The following LARP1B variants were observed in gnomAD, a reference collection of about 807,000 sequenced individuals.
LARP1B encodes la-related protein 1B.
Under a neutral mutation model 114.2 loss-of-function variants are expected in LARP1B, and 76 were observed. The ratio of observed to expected loss-of-function variants is 0.67; its 90% CI spans 0.55 to 0.81. The LOEUF (loss-of-function observed/expected upper bound fraction) is 0.81, where lower values mean the gene tolerates loss of function less well. LARP1B is among the 30% of genes least tolerant of loss of function. The pLI is 0.00. For missense variants in LARP1B, 1,014 were observed against 1,075.8 expected (o/e 0.94, Z 0.80); for synonymous variants, 345 against 348.0 (o/e 0.99, Z 0.10).
intron 11 of LARP1B, among the ~76,000 whole-genome samples, chr4:128,138,001 G>A (rs553652314): frequency 4.6e-5 from 7 of 152,030 alleles, no homozygotes; most frequent in Non-Finnish European, 8.8e-5. Context: ...TGTTGAATAT[G>A]CATAATCTTC....
At chr4:128,062,323 G>C (rs890216579) in intron 1 of LARP1B, 1 of 955,342 alleles carries the variant, frequency 1.0e-6, no homozygotes, top group African/African-American at 1.8e-5. Flanking sequence ...CCCGGGTAAC[G>C]GCAGGCCTCC....
intron 17 of LARP1B, among the ~76,000 whole-genome samples, chr4:128,204,857 T>G (rs1419203199): frequency 5.1e-5 from 5 of 97,908 alleles, no homozygotes; most frequent in African/African-American, 1.4e-4. Context: ...CCCACAAAAA[T>G]TTTAAAAATT....
chr4:128,069,722 T>C, intron 1 of LARP1B: 1 of 320,486 alleles, frequency 3.1e-6, no homozygotes. Flanking sequence ...GTTTTTTGCC[T>C]ATTAAACATC....
intron 19 of LARP1B, among the ~76,000 whole-genome samples, chr4:128,208,644 T>C (rs549411737): frequency 6.7e-4 from 102 of 152,314 alleles, no homozygotes; most frequent in South Asian, 1.0e-3. Context: ...ATGAGGAGGT[T>C]ACTATCTTAG....
intron 11 of LARP1B, among the ~76,000 whole-genome samples, chr4:128,141,157 C>T (rs1561383658): frequency 1.3e-5 from 2 of 152,000 alleles, no homozygotes; most frequent in Non-Finnish European, 2.9e-5. Flanking sequence ...TCTTCCTTTC[C>T]AGTGGTCTGC....
chr4:128,088,105 A>G (rs1425210451), intron 5 of LARP1B, among the ~76,000 whole-genome samples: 2 of 151,902 alleles, frequency 1.3e-5, no homozygotes, highest in Non-Finnish European at 1.5e-5. Context: ...GGTAAGGAGG[A>G]TTGCTTGAGA....
chr4:128,185,410 C>T (rs1448091845), intron 15 of LARP1B, among the ~76,000 whole-genome samples: 1 of 152,012 alleles, frequency 6.6e-6, no homozygotes, highest in Non-Finnish European at 1.5e-5. Context: ...TTTTGATTTT[C>T]TTTATCTTCT....
At chr4:128,101,623 G>A (rs1473957638) in intron 8 of LARP1B, among the ~76,000 whole-genome samples, 6 of 150,262 alleles carry the variant, frequency 4.0e-5, no homozygotes. Context: ...AGTAGAATGA[G>A]TTTATTTATT....
intron 3 of LARP1B, among the ~76,000 whole-genome samples, chr4:128,075,573 G>T: frequency 6.7e-6 from 1 of 149,940 alleles, no homozygotes; most frequent in East Asian, 2.0e-4. Flanking sequence ...TTTGAGATAG[G>T]GTCTCACTCC....
intron 10 of LARP1B, among the ~76,000 whole-genome samples, chr4:128,121,178 A>T (rs1336642594): frequency 5.9e-5 from 9 of 152,214 alleles, no homozygotes; most frequent in Non-Finnish European, 1.2e-4. Flanking sequence ...GCCATGTAGA[A>T]TGGGGATGAG....
intron 7 of LARP1B, among the ~76,000 whole-genome samples, chr4:128,096,025 G>A (rs955945390): frequency 2.3e-5 from 3 of 128,432 alleles, no homozygotes; most frequent in Non-Finnish European, 4.7e-5. Context: ...ACGGAGTCTC[G>A]CTCTGTTGCC....
chr4:128,189,653 T>C (rs1031946177), intron 15 of LARP1B, among the ~76,000 whole-genome samples: 2 of 152,178 alleles, frequency 1.3e-5, no homozygotes, highest in Non-Finnish European at 2.9e-5. Context: ...TCTGGGAGTA[T>C]GTTTTAATTC....
intron 8 of LARP1B, among the ~76,000 whole-genome samples, chr4:128,098,990 C>T (rs1779296829): frequency 6.6e-6 from 1 of 150,550 alleles, no homozygotes; most frequent in Non-Finnish European, 1.5e-5. Flanking sequence ...CTTGGCCAGG[C>T]TGGTCTCGAA....
intron 11 of LARP1B, among the ~76,000 whole-genome samples, chr4:128,134,820 T>A (rs1300025400): frequency 6.6e-6 from 1 of 152,146 alleles, no homozygotes; most frequent in Non-Finnish European, 1.5e-5. Context: ...AAATGGCTAA[T>A]AAGGCTGGGC....
At chr4:128,081,378 C>CTTT (rs35763535) in intron 4 of LARP1B, among the ~76,000 whole-genome samples, 5 of 110,660 alleles carry the variant, frequency 4.5e-5, no homozygotes, top group South Asian at 3.1e-4. Flanking sequence ...TGCGCCCGGC[C>CTTT]TTTTTTTTTT....
chr4:128,114,043 T>C (rs1409295898), intron 9 of LARP1B, among the ~76,000 whole-genome samples: 1 of 152,164 alleles, frequency 6.6e-6, no homozygotes, highest in Admixed American at 6.5e-5. Flanking sequence ...TGAGCCAAAG[T>C]AGTAAATGAC....
In LARP1B at chr4:128,101,561, GT is replaced by G. The variant is rs35662647; in HGVS notation, c.813+3246del. 9.9e-3 allele frequency among the ~76,000 whole-genome samples: 1,275 copies of G among 128,628 alleles called. 8 individuals carry two copies. The highest frequency in any genetic ancestry group is 0.046 in the South Asian group (187 of 4,038). The allele number at this position is 128,628 out of a possible 152,430, so 84.4% of individuals were successfully genotyped here. On this transcript the variant is annotated intron_variant, in intron 8 of 19. Coordinates refer to ENST00000326639, the MANE Select transcript of LARP1B (RefSeq NM_018078.4). ...ATATTGTAATTAACAGAGAAAATTA[GT>G]TTTTTTTTTTTTTTGCAAAATTTGC...
intron 12 of LARP1B, among the ~76,000 whole-genome samples, chr4:128,174,745 A>G (rs1180006256): frequency 6.6e-6 from 1 of 152,032 alleles, no homozygotes; most frequent in Non-Finnish European, 1.5e-5. Flanking sequence ...GGTGTTCTAT[A>G]TTGAATCTCA....
chr4:128,156,699 G>GA (rs1345049469), intron 11 of LARP1B, among the ~76,000 whole-genome samples: 1 of 152,074 alleles, frequency 6.6e-6, no homozygotes, highest in Non-Finnish European at 1.5e-5. Context: ...CACAGCTTGG[G>GA]AGGTGCCCAT....
Sources: allele counts gnomAD v4.1 joint callset (sites outside exome capture counted in the v4.1 genomes callset), GRCh38; gene constraint gnomAD v4.1.1; transcripts MANE v1.5; gene names NCBI Gene and HGNC (gene_info 2026-07-23, HGNC 2026-07-21).